Variants in ZFP28 observed in about 807,000 individuals in gnomAD.
ZFP28 encodes ZFP28 zinc finger protein, also known as zinc finger protein 28 homolog.
A neutral mutation model predicts 39.5 loss-of-function variants in ZFP28; 31 were observed. That is an observed-to-expected ratio of 0.79 (90% CI 0.59 to 1.06). ZFP28 has a LOEUF of 1.06. Among genes scored for constraint, ZFP28 ranks in the 50% least tolerant of loss-of-function variants. The pLI, the probability that ZFP28 is intolerant of heterozygous loss-of-function variation, is 0.00. For synonymous variants in ZFP28, 400 were observed against 378.6 expected (o/e 1.06, Z -0.66); for missense variants, 925 against 1,048.4 (o/e 0.88, Z 1.63).
In ZFP28 at chr19:56,548,968, T is replaced by C. The variant is rs2044267751; in HGVS notation, c.534T>C (p.Ala178=). Residue 178 remains alanine, a synonymous_variant, in exon 5 of 8, where the codon GCT becomes GCC. Transcript: ENST00000301318. ...MTRAWCPDLK[A]VWKIKELPLK... Reference sequence around the variant, plus strand: ...CTTTACGTCTTTCAGACTTGAAGGCTGTGTGGAAGATCAAGGAGTTACCTC... The same window carrying C: ...CTTTACGTCTTTCAGACTTGAAGGCCGTGTGGAAGATCAAGGAGTTACCTC... The C allele has an allele frequency of 1.2e-6, 2 of 1,613,340 alleles. No individual in the cohort carries two copies. The highest frequency in any genetic ancestry group is 1.7e-6 in the Non-Finnish European group (2 of 1,179,712).
chr19:56,553,905 C>G lies in ZFP28; in HGVS notation c.1120C>G (p.Arg374Gly), dbSNP rs752773058. Residue 374 changes from arginine (R) to glycine (G), a missense_variant, in exon 8 of 8, where the codon CGT becomes GGT. Physicochemically the swap from Arg to Gly is moderately radical, Grantham distance 125 (BLOSUM62 -2). Transcript: ENST00000301318. ...HNKTLSKERE[R>G]TYNKSGRWFY... ...CAAAACCCTCTCTAAGGAAAGAGAA[C>G]GTACATATAACAAATCTGGAAGATG... 6 of 1,614,058 alleles carry G rather than the reference C, an allele frequency of 3.7e-6. No individual in the cohort carries two copies. The highest frequency in any genetic ancestry group is 5.1e-6 in the Non-Finnish European group (6 of 1,180,004).
At chr19:56,538,787 C>A (rs1211979811), upstream of ZFP28, among the ~76,000 whole-genome samples, 270 of 4,086 alleles carry the variant, frequency 0.066, 30 homozygotes, top group African/African-American at 0.29. Flanking sequence ...CGGGGCGGGG[C>A]GGGGCGGGGC....
chr19:56,547,752 G>A lies in ZFP28; in HGVS notation c.428-55G>A. The A allele has an allele frequency of 6.2e-7, 1 of 1,607,276 alleles. No individual in the cohort carries two copies. Among genetic ancestry groups the A allele is most frequent in the Admixed American group, 1.7e-5 (1 of 59,684 alleles). ...CCTCTTGCGTCAAGCCAAGGGGACT[G>A]CATCTCAGTCTGGACAGCCACACAG... is the stretch of plus-strand genomic sequence containing the variant. On this transcript the variant is annotated intron_variant, in intron 3 of 7. Coordinates refer to ENST00000301318, the MANE Select transcript of ZFP28 (RefSeq NM_020828.2). The surrounding 1 kb of genome is among the most constrained non-coding windows in gnomAD (Gnocchi z 4.6).
In ZFP28 at chr19:56,554,020, G is replaced by A. The variant is rs1482676318; in HGVS notation, c.1235G>A (p.Gly412Asp). The change falls in exon 8 of 8, where the codon GGC becomes GAC. Residue 412 changes from glycine (G) to aspartate (D), a missense_variant. This residue lies in a region of ZFP28 where 556 missense variants were observed against 542.9 expected (regional missense o/e 1.02). Coordinates refer to ENST00000301318, the MANE Select transcript of ZFP28 (RefSeq NM_020828.2). This position sits in a 1 kb window ranked among gnomAD's most constrained non-coding sequence, Gnocchi z 6.7. ...QKSSVVIKQT[G>D]IYAGKKLFKC... ...AGTTCAGTGGTAATAAAACAAACAGGCATCTATGCAGGAAAAAAGCTTTTC... is the reference window on the plus strand; with the variant it reads ...AGTTCAGTGGTAATAAAACAAACAGACATCTATGCAGGAAAAAAGCTTTTC... 3 of 1,612,784 alleles carry A rather than the reference G, an allele frequency of 1.9e-6. No homozygotes were observed. The highest frequency in any genetic ancestry group is 2.5e-6 in the Non-Finnish European group (3 of 1,179,776).
intron 2 of ZFP28, among the ~76,000 whole-genome samples, chr19:56,540,494 T>C (rs777412490): frequency 1.3e-5 from 2 of 152,220 alleles, no homozygotes; most frequent in Non-Finnish European, 2.9e-5. Flanking sequence ...AAAATATATG[T>C]ACAGATGAAC....
intron 4 of ZFP28, 25 bp from the exon 5 acceptor site, chr19:56,548,931 TAA>T: frequency 6.3e-7 from 1 of 1,587,754 alleles, no homozygotes; most frequent in South Asian, 1.2e-5. Context: ...TGATAAAAGA[TAA>T]ATTTACCTTC....
chr19:56,543,301 TTG>T (rs914569474), intron 2 of ZFP28, among the ~76,000 whole-genome samples: 7 of 148,512 alleles, frequency 4.7e-5, no homozygotes, highest in Admixed American at 4.0e-4. Context: ...GTCTCTATCT[TTG>T]TGTGTGTGCG....
chr19:56,549,164 A>G (rs147237775), intron 5 of ZFP28, 43 bp downstream of exon 5: 30 of 1,571,038 alleles, frequency 1.9e-5, no homozygotes, highest in Middle Eastern at 1.8e-4. Context: ...AGGATCCTTC[A>G]TGAGGAAACT....
In ZFP28 at chr19:56,550,051, GC is replaced by G; in HGVS notation, c.688-15del. Reference sequence around the variant, plus strand: ...GAACATGGTTTGATTTAAAAAACGTGCTTTTACCATTGCAGGGCTTGGTGAC... The same window carrying G: ...GAACATGGTTTGATTTAAAAAACGTGTTTTACCATTGCAGGGCTTGGTGAC... On this transcript the variant is annotated splice_polypyrimidine_tract_variant and intron_variant, in intron 5 of 7. Coordinates refer to ENST00000301318, the MANE Select transcript of ZFP28 (RefSeq NM_020828.2). The G allele has an allele frequency of 1.3e-6, 2 of 1,597,282 alleles. No homozygotes were observed. The highest frequency in any genetic ancestry group is 1.7e-6 in the Non-Finnish European group (2 of 1,170,830).
intron 2 of ZFP28, among the ~76,000 whole-genome samples, chr19:56,540,096 A>T (rs751631326): frequency 6.6e-6 from 1 of 152,264 alleles, no homozygotes; most frequent in Non-Finnish European, 1.5e-5. Context: ...GCTAAGCCCT[A>T]GTCCCTGCTC....
upstream of ZFP28, chr19:56,537,650 C>T (rs1213816221): frequency 6.6e-6 from 1 of 152,224 alleles, no homozygotes; most frequent in Non-Finnish European, 1.5e-5. Flanking sequence ...GAAATGCTGA[C>T]CTTGTCCTTT....
At chr19:56,549,403 C>A (rs528398670) in intron 5 of ZFP28, among the ~76,000 whole-genome samples, 1 of 152,234 alleles carries the variant, frequency 6.6e-6, no homozygotes, top group Admixed American at 6.5e-5. Context: ...AGAGGCCAGG[C>A]GCGGTGGCTC....
intron 2 of ZFP28, chr19:56,545,825 AG>A (rs2044236751): frequency 6.6e-6 from 1 of 152,354 alleles, no homozygotes; most frequent in Non-Finnish European, 1.5e-5. Context: ...GGGAACTTGA[AG>A]GCTACATTAT....
At chr19:56,540,881 T>C (rs1242670533) in intron 2 of ZFP28, among the ~76,000 whole-genome samples, 1 of 150,382 alleles carries the variant, frequency 6.6e-6, no homozygotes, top group Non-Finnish European at 1.5e-5. Flanking sequence ...CATCTGACTT[T>C]CATCTTCCTG....
chr19:56,541,736 T>A (rs993072986), intron 2 of ZFP28, among the ~76,000 whole-genome samples: 1 of 152,148 alleles, frequency 6.6e-6, no homozygotes, highest in African/African-American at 2.4e-5. Context: ...TTTCTTTTAG[T>A]ACTTTTCTTT....
chr19:56,554,445 A>G lies in ZFP28; in HGVS notation c.1660A>G (p.Ile554Val). 6.2e-7 allele frequency: 1 copy of G among 1,614,222 alleles called. No homozygotes were observed. Residue 554 changes from isoleucine (I) to valine (V), a missense_variant, in exon 8 of 8, where the codon ATT (isoleucine) becomes GTT (valine). By Grantham distance (29) the Ile-to-Val change is conservative. Transcript: ENST00000301318. The surrounding 1 kb of genome is among the most constrained non-coding windows in gnomAD (Gnocchi z 6.7). ...TTCCTCCCTTACTGTACATCAAAGGATTCATACCGGAGAAAAACCATATGA... is the reference window on the plus strand; with the variant it reads ...TTCCTCCCTTACTGTACATCAAAGGGTTCATACCGGAGAAAAACCATATGA... ...YGSSLTVHQR[I>V]HTGEKPYECD... is the part of the protein sequence containing the mutation.
chr19:56,550,855 T>A, intron 7 of ZFP28: 1 of 1,451,660 alleles, frequency 6.9e-7, no homozygotes, highest in South Asian at 1.5e-5. Context: ...TCCACTTGCT[T>A]CCTTAAATGA....
intron 7 of ZFP28, chr19:56,551,927 TAA>T (rs2044307945): frequency 2.0e-6 from 2 of 981,876 alleles, no homozygotes; most frequent in Admixed American, 6.2e-5. Context: ...CATATGGCAA[TAA>T]GAGTTTTAAT....
intron 7 of ZFP28, chr19:56,550,828 C>T: frequency 2.0e-6 from 3 of 1,486,258 alleles, no homozygotes; most frequent in Non-Finnish European, 1.8e-6. Flanking sequence ...TTTTCTTGGC[C>T]ACTGGGACGT....
Sources: gnomAD v4.1 joint callset for allele counts (sites outside exome capture counted in the v4.1 genomes callset) on GRCh38, gnomAD v4.1.1 for gene constraint, gnomAD v4.1.1 regional missense constraint, Gnocchi (gnomAD v3.1) non-coding constraint, MANE v1.5 for transcripts, NCBI Gene and HGNC (gene_info 2026-07-23, HGNC 2026-07-21) for gene names.